LAYN: variants seen among roughly 807,000 people sequenced by gnomAD.
The protein encoded by LAYN is layilin.
In LAYN, 38 loss-of-function variants were observed where a neutral mutation model predicts 43.6. The ratio of observed to expected loss-of-function variants is 0.87; its 90% CI spans 0.67 to 1.14. The LOEUF is 1.14. LAYN is among the 50% of genes most tolerant of loss of function. LAYN has a pLI of 0.00. For missense variants in LAYN, 479 were observed against 463.8 expected (o/e 1.03, Z -0.30); for synonymous variants, 168 against 172.9 (o/e 0.97, Z 0.22).
chr11:111,555,546 A>G (rs1867822735), intron 5 of LAYN, among the ~76,000 whole-genome samples: 1 of 152,216 alleles, frequency 6.6e-6, no homozygotes, highest in Non-Finnish European at 1.5e-5. Flanking sequence ...CTTGGGAGCC[A>G]CTCAGAGGTC....
Position 111,560,258 on chromosome 11 carries a change from G to A in LAYN, c.925G>A (p.Val309Met). 6.2e-7 allele frequency: 1 copy of A among 1,614,210 alleles called. No individual in the cohort carries two copies. The highest frequency in any genetic ancestry group is 8.5e-7 in the Non-Finnish European group (1 of 1,180,030). ...AGACCTGAAGAATATTTCATTCCGA[G>A]TGTGTTCGGGAGAAGCCACTCCCGA... Reference protein sequence around the residue: ...RPDLKNISFRVCSGEATPDDM... With the variant: ...RPDLKNISFRMCSGEATPDDM... The change falls in exon 7 of 7, where the codon GTG becomes ATG. Residue 309 changes from valine to methionine, a missense_variant. Transcript: ENST00000375614.
At chr11:111,557,675 C>A in intron 6 of LAYN, 32 bp downstream of exon 6, 1 of 1,503,788 alleles carries the variant, frequency 6.6e-7, no homozygotes, top group Non-Finnish European at 9.3e-7. Flanking sequence ...TAAACCTTTG[C>A]ATCTTCTGCT....
intron 2 of LAYN, among the ~76,000 whole-genome samples, chr11:111,546,334 C>T (rs529452932): frequency 6.6e-6 from 1 of 152,206 alleles, no homozygotes; most frequent in African/African-American, 2.4e-5. Context: ...TACCTTACCC[C>T]TAGTTCTTAT....
chr11:111,556,325 T>G (rs1867841558), intron 5 of LAYN, among the ~76,000 whole-genome samples: 1 of 152,112 alleles, frequency 6.6e-6, no homozygotes, highest in Non-Finnish European at 1.5e-5. Flanking sequence ...ACCAGGAAGC[T>G]CCACAGAGCT....
intron 5 of LAYN, among the ~76,000 whole-genome samples, chr11:111,555,547 C>A (rs1227419317): frequency 6.6e-6 from 1 of 152,132 alleles, no homozygotes; most frequent in Non-Finnish European, 1.5e-5. Flanking sequence ...TTGGGAGCCA[C>A]TCAGAGGTCA....
chr11:111,543,936 C>T lies in LAYN; in HGVS notation c.99C>T (p.Cys33=), dbSNP rs1222910946. 6.2e-6 allele frequency: 10 copies of T among 1,611,332 alleles called. No individual in the cohort carries two copies. Among genetic ancestry groups the T allele is most frequent in the Non-Finnish European group, 8.5e-6 (10 of 1,178,946 alleles). ...TGRLLSGQPV[C]RGGTQRPCYK... ...TTTTTTCTCTAGGGCAGCCAGTCTGCCGGGGAGGGACACAGAGGCCTTGTT... is the reference window on the plus strand; with the variant it reads ...TTTTTTCTCTAGGGCAGCCAGTCTGTCGGGGAGGGACACAGAGGCCTTGTT... The change falls in exon 2 of 7, where the codon TGC becomes TGT. Residue 33 remains cysteine (C), a synonymous_variant. Coordinates refer to ENST00000375614, the MANE Select transcript of LAYN (RefSeq NM_178834.5).
Position 111,540,913 on chromosome 11 carries a change from G to C in LAYN, c.70G>C (p.Gly24Arg), listed in dbSNP as rs1167247799. ...GCTGGTGGGGCTGCGGGCCGCGACG[G>C]GTCGCCTGCTGAGTGGTGAGTGCGC... is the stretch of plus-strand genomic sequence containing the variant. ...VLLVGLRAAT[G>R]RLLSGQPVCR... The change falls in exon 1 of 7, where the codon GGT becomes CGT. Residue 24 changes from glycine (G) to arginine (R), a missense_variant. Physicochemically the swap from Gly to Arg is moderately radical, Grantham distance 125. Transcript: ENST00000375614. The C allele has an allele frequency of 6.5e-7, 1 of 1,532,100 alleles. No individual in the cohort carries two copies. Among genetic ancestry groups the C allele is most frequent in the Non-Finnish European group, 8.7e-7 (1 of 1,145,634 alleles). The allele number at this position is 1,532,100 out of a possible 1,614,324, so 94.9% of individuals were successfully genotyped here.
At chr11:111,541,041 C>A in intron 1 of LAYN, 113 bp downstream of exon 1, 2 of 949,544 alleles carry the variant, frequency 2.1e-6, no homozygotes, top group Non-Finnish European at 3.1e-6. Context: ...CGTCCCATGC[C>A]CCACTCCCAG....
rs1867710282 is a variant in LAYN, at chr11:111,549,746, A to G, written c.512A>G (p.Lys171Arg). 2.5e-6 allele frequency: 4 copies of G among 1,604,612 alleles called. No homozygotes were observed. Among genetic ancestry groups the G allele is most frequent in the Non-Finnish European group, 1.7e-6 (2 of 1,176,688 alleles). ...TGGAATGATGACCGGTGCAACATGA[A>G]GAACAATTTCATTTGCAAATATTCT... ...FQWNDDRCNMKNNFICKYSDE... is the reference protein window; with the variant it reads ...FQWNDDRCNMRNNFICKYSDE... The change falls in exon 3 of 7, where the codon AAG (lysine) becomes AGG (arginine). Residue 171 changes from lysine (K) to arginine (R), a missense_variant. Lys to Arg is a conservative substitution (Grantham distance 26). Transcript: ENST00000375614.
intron 1 of LAYN, chr11:111,541,724 C>T (rs1407745565): frequency 1.3e-6 from 1 of 754,722 alleles, no homozygotes; most frequent in South Asian, 1.5e-5. Flanking sequence ...ACCTCCTCTA[C>T]TCTGGCATCC....
At chr11:111,543,767 T>C (rs1454845077) in intron 1 of LAYN, among the ~76,000 whole-genome samples, 156 bp from the exon 2 acceptor site, 1 of 152,234 alleles carries the variant, frequency 6.6e-6, no homozygotes, top group Non-Finnish European at 1.5e-5. Context: ...GAAGGAGTAT[T>C]AATTTGCTCT....
At chr11:111,556,453 A>G (rs556435810) in intron 5 of LAYN, among the ~76,000 whole-genome samples, 8 of 152,308 alleles carry the variant, frequency 5.3e-5, no homozygotes, top group African/African-American at 1.4e-4. Flanking sequence ...TCTTTCTGGC[A>G]TGGCCAGCCC....
intron 6 of LAYN, among the ~76,000 whole-genome samples, chr11:111,557,903 A>T (rs2135804937): frequency 6.6e-6 from 1 of 152,278 alleles, no homozygotes; most frequent in South Asian, 2.1e-4. Context: ...AAATTGCATT[A>T]TTCACCTCCC....
At chr11:111,556,594 C>A (rs1321975966) in intron 5 of LAYN, among the ~76,000 whole-genome samples, 1 of 152,194 alleles carries the variant, frequency 6.6e-6, no homozygotes, top group African/African-American at 2.4e-5. Flanking sequence ...AAAGGCCCAT[C>A]AGATTCTTTA....
intron 3 of LAYN, among the ~76,000 whole-genome samples, chr11:111,553,543 C>T (rs1327678183): frequency 6.7e-6 from 1 of 149,996 alleles, no homozygotes; most frequent in Non-Finnish European, 1.5e-5. Flanking sequence ...CGCTTGAACC[C>T]GGGAGGCGGA....
In LAYN at chr11:111,540,747, C is replaced by G; in HGVS notation, c.-97C>G. 8.0e-7 allele frequency: 1 copy of G among 1,243,312 alleles called. No homozygotes were observed. Among genetic ancestry groups the G allele is most frequent in the South Asian group, 1.5e-5 (1 of 67,128 alleles). The allele number at this position is 1,243,312 out of a possible 1,614,324, so 77.0% of individuals were successfully genotyped here. A position where few individuals can be genotyped will look rare whatever the true frequency, so the allele number is the denominator to read the frequency against. ...GCGGTCCGTCGGTGGCCTAGAGATG[C>G]TGCTGCCGCGGTTGCAGTTGTCGCG... On this transcript the variant is annotated 5_prime_UTR_variant, in exon 1 of 7. Coordinates refer to ENST00000375614, the MANE Select transcript of LAYN (RefSeq NM_178834.5).
At chr11:111,547,146 A>G (rs975173219) in intron 2 of LAYN, among the ~76,000 whole-genome samples, 1 of 152,178 alleles carries the variant, frequency 6.6e-6, no homozygotes, top group Non-Finnish European at 1.5e-5. Context: ...GAGACCTACC[A>G]TGTGCTATGC....
At chr11:111,552,972 G>A (rs1407297318) in intron 3 of LAYN, among the ~76,000 whole-genome samples, 3 of 152,066 alleles carry the variant, frequency 2.0e-5, no homozygotes, top group African/African-American at 7.2e-5. Context: ...GTGAGATTTG[G>A]GCAAGTTACT....
chr11:111,548,101 C>T (rs1356480191), intron 2 of LAYN, among the ~76,000 whole-genome samples: 1 of 152,176 alleles, frequency 6.6e-6, no homozygotes, highest in Non-Finnish European at 1.5e-5. Context: ...AATACCTGTC[C>T]CCAGTATGCT....
Sources: allele counts gnomAD v4.1 joint callset (sites outside exome capture counted in the v4.1 genomes callset), GRCh38; gene constraint gnomAD v4.1.1; transcripts MANE v1.5; gene names NCBI Gene and HGNC (gene_info 2026-07-23, HGNC 2026-07-21).